The following SNTG1 variants were observed in gnomAD, a reference collection of about 807,000 sequenced individuals.
SNTG1 encodes the protein gamma-1-syntrophin.
A neutral mutation model predicts 74.7 loss-of-function variants in SNTG1; 39 were observed. The observed-to-expected ratio is 0.52, with a 90% CI of 0.40 to 0.68. SNTG1 has a LOEUF of 0.68. Among genes scored for constraint, SNTG1 ranks in the 30% least tolerant of loss-of-function variants. The pLI, the probability that SNTG1 is intolerant of heterozygous loss-of-function variation, is 0.00. For synonymous variants in SNTG1, 254 were observed against 217.1 expected, an observed-to-expected ratio of 1.17 and a Z score of -1.49; for missense variants, 685 against 609.5, an observed-to-expected ratio of 1.12 and a Z score of -1.30.
intron 1 of SNTG1, among the ~76,000 whole-genome samples, chr8:50,115,602 G>C (rs549635965): frequency 1.1e-5 from 1 of 92,280 alleles, no homozygotes; most frequent in South Asian, 3.6e-4. Flanking sequence ...ATGGTTGAAG[G>C]CCTTTGTAGG....
At chr8:50,131,397 C>A (rs2081312480) in intron 1 of SNTG1, among the ~76,000 whole-genome samples, 2 of 152,104 alleles carry the variant, frequency 1.3e-5, no homozygotes, top group African/African-American at 4.8e-5. Flanking sequence ...TGTATGCATT[C>A]CACACATATG....
chr8:50,706,229 AAT>A (rs1019966690), intron 16 of SNTG1, among the ~76,000 whole-genome samples: 2 of 152,144 alleles, frequency 1.3e-5, no homozygotes, highest in African/African-American at 4.8e-5. Flanking sequence ...ATAGCCAAAA[AAT>A]AGTTTCCACA....
chr8:50,191,976 C>T (rs1239414853), intron 2 of SNTG1, among the ~76,000 whole-genome samples: 2 of 152,132 alleles, frequency 1.3e-5, no homozygotes, highest in East Asian at 3.9e-4. Flanking sequence ...AGAGCTTTTG[C>T]ACAGCAAAAG....
intron 1 of SNTG1, among the ~76,000 whole-genome samples, chr8:49,995,300 G>A (rs1814100528): frequency 6.6e-6 from 1 of 152,182 alleles, no homozygotes; most frequent in Non-Finnish European, 1.5e-5. Flanking sequence ...TAATGTTGAT[G>A]TTATTTTTAG....
intron 15 of SNTG1, among the ~76,000 whole-genome samples, chr8:50,697,019 T>C (rs535628943): frequency 1.3e-5 from 2 of 152,276 alleles, no homozygotes; most frequent in Admixed American, 1.3e-4. Flanking sequence ...ATTGAAATTG[T>C]AAATTGTTTT....
chr8:50,564,130 T>A (rs565342353), intron 12 of SNTG1, among the ~76,000 whole-genome samples: 51 of 147,178 alleles, frequency 3.5e-4, no homozygotes, highest in East Asian at 5.8e-4. Flanking sequence ...TTTTTTTTTT[T>A]AAAATAGAAA....
chr8:50,093,253 C>A (rs1447369531), intron 1 of SNTG1, among the ~76,000 whole-genome samples: 1 of 151,986 alleles, frequency 6.6e-6, no homozygotes, highest in Non-Finnish European at 1.5e-5. Flanking sequence ...TAATATAAGG[C>A]CTGGGACCAT....
chr8:50,024,547 C>T (rs1322334251), intron 1 of SNTG1, among the ~76,000 whole-genome samples: 2 of 152,156 alleles, frequency 1.3e-5, no homozygotes, highest in African/African-American at 2.4e-5. Context: ...AAGGGAAACA[C>T]GTTCCAGGAC....
intron 13 of SNTG1, among the ~76,000 whole-genome samples, chr8:50,591,935 T>G (rs2094694488): frequency 6.6e-6 from 1 of 152,162 alleles, no homozygotes; most frequent in East Asian, 1.9e-4. Context: ...GTAGTTGTTT[T>G]TAAGGCCCTT....
At chr8:50,047,034 GA>G (rs1382198167) in intron 1 of SNTG1, among the ~76,000 whole-genome samples, 2 of 151,924 alleles carry the variant, frequency 1.3e-5, no homozygotes, top group East Asian at 3.9e-4. Flanking sequence ...TCATTTTTAG[GA>G]GTATTAAATT....
chr8:50,619,559 G>A (rs866575338), intron 13 of SNTG1, among the ~76,000 whole-genome samples: 4 of 151,858 alleles, frequency 2.6e-5, no homozygotes, highest in Non-Finnish European at 1.5e-5. Context: ...GTGAAACTCT[G>A]TATCTACTAA....
chr8:50,187,604 C>A (rs577328867), intron 2 of SNTG1, among the ~76,000 whole-genome samples: 1 of 152,200 alleles, frequency 6.6e-6, no homozygotes, highest in East Asian at 1.9e-4. Context: ...ACTGCACAAA[C>A]CCATACATAT....
chr8:50,520,770 C>T (rs1182706986), intron 9 of SNTG1, among the ~76,000 whole-genome samples: 1 of 152,110 alleles, frequency 6.6e-6, no homozygotes, highest in Non-Finnish European at 1.5e-5. Flanking sequence ...AGTCAGGAAA[C>T]AACAGATGCT....
chr8:50,495,361 C>G (rs1382295046), intron 8 of SNTG1, among the ~76,000 whole-genome samples: 3 of 152,134 alleles, frequency 2.0e-5, no homozygotes, highest in African/African-American at 4.8e-5. Context: ...ATCTGACTCC[C>G]CATCCCTAAT....
At chr8:50,569,399 G>GA (rs370525586) in intron 12 of SNTG1, among the ~76,000 whole-genome samples, 3,408 of 140,004 alleles carry the variant, frequency 0.024, 50 homozygotes, top group African/African-American at 0.052. Flanking sequence ...GTGCAGAAGT[G>GA]AAAAAAAAAA....
intron 1 of SNTG1, among the ~76,000 whole-genome samples, chr8:50,116,246 A>T (rs1423800052): frequency 6.6e-6 from 1 of 152,188 alleles, no homozygotes; most frequent in Non-Finnish European, 1.5e-5. Context: ...AACATAACTA[A>T]CACCATCTAA....
At chr8:50,468,434 CTT>C (rs1424752337) in intron 8 of SNTG1, among the ~76,000 whole-genome samples, 1 of 151,982 alleles carries the variant, frequency 6.6e-6, no homozygotes, top group African/African-American at 2.4e-5. Context: ...TCTAAGTCCT[CTT>C]TGTCTGTAAT....
At chr8:50,491,257 A>C (rs1199347667) in intron 8 of SNTG1, 2 of 152,354 alleles carry the variant, frequency 1.3e-5, no homozygotes, top group East Asian at 3.9e-4. Flanking sequence ...ACAACGTGAC[A>C]GTATCAGAAT....
chr8:50,296,734 C>G (rs1363450142), intron 2 of SNTG1, among the ~76,000 whole-genome samples: 1 of 151,972 alleles, frequency 6.6e-6, no homozygotes, highest in Non-Finnish European at 1.5e-5. Context: ...ACCTATGTAA[C>G]AAACCTGAAT....
Sources: allele counts gnomAD v4.1 joint callset (sites outside exome capture counted in the v4.1 genomes callset), GRCh38; gene constraint gnomAD v4.1.1; transcripts MANE v1.5; gene names NCBI Gene and HGNC (gene_info 2026-07-23, HGNC 2026-07-21).